KMT2C: variants seen among roughly 807,000 people sequenced by gnomAD.
KMT2C encodes the protein histone-lysine N-methyltransferase 2C.
A neutral mutation model predicts 507.9 loss-of-function variants in KMT2C; 88 were observed. That is an observed-to-expected ratio of 0.17 (90% confidence interval 0.15 to 0.21). The LOEUF is 0.21. Ranked by LOEUF, KMT2C falls within the 10% of genes least tolerant of loss-of-function variation. The pLI, the probability that KMT2C is intolerant of heterozygous loss-of-function variation, is 1.00. For missense variants in KMT2C, 4,954 were observed against 5,957.8 expected, an observed-to-expected ratio of 0.83 and a Z score of 5.55; for synonymous variants, 2,049 against 2,080.8, an observed-to-expected ratio of 0.98 and a Z score of 0.42.
chr7:152,201,609 A>T (rs917295204), intron 26 of KMT2C, among the ~76,000 whole-genome samples: 2 of 145,850 alleles, frequency 1.4e-5, no homozygotes, highest in African/African-American at 5.2e-5. Context: ...GAAAACAACA[A>T]CAAAGATGAA....
At chr7:152,324,867 C>G (rs1463255985) in intron 3 of KMT2C, among the ~76,000 whole-genome samples, 2 of 151,880 alleles carry the variant, frequency 1.3e-5, no homozygotes, top group East Asian at 3.9e-4. Context: ...AAAATATTAG[C>G]TAACTAAAAC....
chr7:152,151,677 G>T, intron 49 of KMT2C, 96 bp from the exon 50 acceptor site: 4 of 887,818 alleles, frequency 4.5e-6, no homozygotes, highest in Non-Finnish European at 6.7e-6. Flanking sequence ...ATTACAACAT[G>T]GTTCATTAAC....
At chr7:152,423,665 A>G (rs1223778103) in intron 1 of KMT2C, among the ~76,000 whole-genome samples, 1 of 152,200 alleles carries the variant, frequency 6.6e-6, no homozygotes, top group African/African-American at 2.4e-5. Flanking sequence ...CCAGATTTTG[A>G]AGTGAAACAG....
chr7:152,229,669 TTG>T (rs1490931822), intron 18 of KMT2C, among the ~76,000 whole-genome samples: 1 of 152,190 alleles, frequency 6.6e-6, no homozygotes, highest in Non-Finnish European at 1.5e-5. Context: ...ATACTATAAA[TTG>T]TCTTTTAAAT....
chr7:152,161,987 AAATAAAAAATGGTCCTTTAG>A (rs1194392772), intron 43 of KMT2C, 110 bp downstream of exon 43: 8 of 1,078,568 alleles, frequency 7.4e-6, no homozygotes, highest in Non-Finnish European at 9.7e-6. Context: ...AGAAATGACA[AAATAAAAAATGGTCCTTTAG>A]AATAAAAAGG....
At chr7:152,195,572 A>C (rs955456270) in intron 28 of KMT2C, 3 of 984,344 alleles carry the variant, frequency 3.0e-6, no homozygotes, top group Non-Finnish European at 3.6e-6. Context: ...ATCAAGACCT[A>C]TAAGACCCAA....
intron 1 of KMT2C, chr7:152,368,009 T>G (rs1242542592): frequency 1.2e-6 from 1 of 851,304 alleles, no homozygotes; most frequent in African/African-American, 1.7e-5. Context: ...AACATAAAAT[T>G]AAGATATATG....
intron 18 of KMT2C, among the ~76,000 whole-genome samples, chr7:152,228,300 T>A (rs2094997238): frequency 6.6e-6 from 1 of 152,196 alleles, no homozygotes; most frequent in East Asian, 1.9e-4. Context: ...TTTGAAAATA[T>A]CCACCTTAGA....
chr7:152,423,466 G>C (rs902776335), intron 1 of KMT2C, among the ~76,000 whole-genome samples: 5 of 152,210 alleles, frequency 3.3e-5, no homozygotes, highest in Non-Finnish European at 7.3e-5. Context: ...AGGAGGCTGT[G>C]TGCCCTTGGA....
intron 23 of KMT2C, among the ~76,000 whole-genome samples, chr7:152,214,850 TG>T (rs1314964364): frequency 1.3e-5 from 2 of 152,112 alleles, no homozygotes; most frequent in Non-Finnish European, 2.9e-5. Flanking sequence ...GGTACAAATC[TG>T]CAGTTAGGTA....
chr7:152,148,438 T>C lies in KMT2C; in HGVS notation c.13489A>G (p.Lys4497Glu). The C allele has an allele frequency of 1.2e-6, 2 of 1,614,254 alleles. No homozygotes were observed. The highest frequency in any genetic ancestry group is 1.7e-6 in the Non-Finnish European group (2 of 1,180,052). ...ATGGGGCAAAGCATAGTTTTGTCCTTAAAAAACATGCATTGTGCTTTAATG... is the reference window on the plus strand; with the variant it reads ...ATGGGGCAAAGCATAGTTTTGTCCTCAAAAAACATGCATTGTGCTTTAATG... ...CAIKAQCMFF[K>E]DKTMLCPMHK... Residue 4497 changes from lysine (K) to glutamate (E), a missense_variant, in exon 52 of 59, where the codon AAG becomes GAG. By Grantham distance (56) the Lys-to-Glu change is moderately conservative. Transcript: ENST00000262189. The surrounding 1 kb of genome is among the most constrained non-coding windows in gnomAD (Gnocchi z 7.1).
Position 152,177,022 on chromosome 7 carries a change from A to G in KMT2C, c.8431T>C (p.Ser2811Pro), listed in dbSNP as rs896573950. 1.2e-6 allele frequency: 2 copies of G among 1,614,000 alleles called. No homozygotes were observed. The highest frequency in any genetic ancestry group is 1.7e-5 in the Admixed American group (1 of 60,004). The change falls in exon 38 of 59, where the codon TCA becomes CCA. Residue 2811 changes from serine to proline, a missense_variant. Physicochemically the swap from Ser to Pro is moderately conservative, Grantham distance 74 (BLOSUM62 -1). Coordinates refer to ENST00000262189, the MANE Select transcript of KMT2C (RefSeq NM_170606.3). ...NKTLVLSDKH[S>P]PQKKSTVTNE... Reference sequence around the variant, plus strand: ...GTAACAGTGGATTTTTTCTGTGGTGAATGTTTATCAGAGAGAACCAGAGTT... The same window carrying G: ...GTAACAGTGGATTTTTTCTGTGGTGGATGTTTATCAGAGAGAACCAGAGTT...
At chr7:152,157,968 A>G in intron 44 of KMT2C, 1 of 1,255,768 alleles carries the variant, frequency 8.0e-7, no homozygotes, top group African/African-American at 1.5e-5. Context: ...TGATAAAAGG[A>G]ACTCAGTGTA....
intron 1 of KMT2C, among the ~76,000 whole-genome samples, chr7:152,358,930 A>C (rs2097173760): frequency 6.6e-6 from 1 of 152,164 alleles, no homozygotes; most frequent in African/African-American, 2.4e-5. Flanking sequence ...AATTCACTTA[A>C]GTATTCCTCA....
intron 2 of KMT2C, among the ~76,000 whole-genome samples, chr7:152,336,918 C>G (rs1032526698): frequency 2.6e-5 from 4 of 152,102 alleles, no homozygotes; most frequent in Non-Finnish European, 5.9e-5. Flanking sequence ...ACAGGCAAGG[C>G]GATTTCATCT....
chr7:152,174,281 T>A, intron 38 of KMT2C, 39 bp from the exon 39 acceptor site: 1 of 969,466 alleles, frequency 1.0e-6, no homozygotes, highest in Non-Finnish European at 1.6e-6. Flanking sequence ...TCATAGTAAT[T>A]AGTTCAACGT....
intron 9 of KMT2C, among the ~76,000 whole-genome samples, chr7:152,259,446 G>GCACACA (rs372982101): frequency 0.018 from 2,420 of 134,730 alleles, 30 homozygotes; most frequent in South Asian, 0.044. Flanking sequence ...ACACACACGC[G>GCACACA]CACACACACA....
At chr7:152,365,382 G>A (rs962160607) in intron 1 of KMT2C, among the ~76,000 whole-genome samples, 7 of 152,112 alleles carry the variant, frequency 4.6e-5, no homozygotes, top group African/African-American at 9.7e-5. Flanking sequence ...GGTAGCAGGC[G>A]CCTGTAATCC....
intron 15 of KMT2C, among the ~76,000 whole-genome samples, chr7:152,236,848 C>T (rs1251109560): frequency 1.3e-5 from 2 of 152,068 alleles, no homozygotes; most frequent in African/African-American, 2.4e-5. Flanking sequence ...TAAGCCAAAG[C>T]GTCCAGCCAG....
Sources: allele counts gnomAD v4.1 joint callset (sites outside exome capture counted in the v4.1 genomes callset), GRCh38; gene constraint gnomAD v4.1.1; non-coding constraint Gnocchi (gnomAD v3.1); transcripts MANE v1.5; gene names NCBI Gene and HGNC (gene_info 2026-07-23, HGNC 2026-07-21).